The following RPS10 variants were observed in gnomAD, a reference collection of about 807,000 sequenced individuals.
RPS10 encodes ribosomal protein S10, also known as small ribosomal subunit protein eS10.
RPS10 carries 2 observed loss-of-function variants against 22.6 expected under a neutral mutation model. That is an observed-to-expected ratio of 0.09 (90% confidence interval 0.04 to 0.28). The LOEUF (loss-of-function observed/expected upper bound fraction) is 0.28. Among genes scored for constraint, RPS10 ranks in the 10% least tolerant of loss-of-function variants. RPS10 has a pLI of 1.00. For missense variants in RPS10, 137 were observed against 222.2 expected, an observed-to-expected ratio of 0.62 and a Z score of 2.44; for synonymous variants, 70 against 75.9, an observed-to-expected ratio of 0.92 and a Z score of 0.40.
In RPS10 at chr6:34,425,242, T is replaced by C. The variant is rs753881308; in HGVS notation, c.1-21A>G. On this transcript the variant is annotated intron_variant, in intron 1 of 5. Transcript: ENST00000648437. Reference sequence around the variant, plus strand: ...AACATCTGCAAGAAGGAGACGATTGTCAAGAGCACTTCTGAGTAACGAGGC... The same window carrying C: ...AACATCTGCAAGAAGGAGACGATTGCCAAGAGCACTTCTGAGTAACGAGGC... The C allele has an allele frequency of 3.1e-6, 5 of 1,593,872 alleles. No homozygotes were observed. The South Asian group carries it at 5.6e-5, about 18-fold the overall frequency.
In RPS10 at chr6:34,419,570, A is replaced by T. The variant is rs1285849107; in HGVS notation, c.401-1146T>A. Among the ~76,000 whole-genome samples, 3 of 110,430 alleles carry T rather than the reference A, an allele frequency of 2.7e-5. No individual in the cohort carries two copies. The East Asian group carries it at 7.9e-4, about 29-fold the overall frequency. The allele number at this position is 110,430 out of a possible 152,430, so 72.4% of individuals were successfully genotyped here. A position where few individuals can be genotyped will look rare whatever the true frequency, so the allele number is the denominator to read the frequency against. On this transcript the variant is annotated intron_variant, in intron 4 of 5. Transcript: ENST00000648437. ...ATATTTTTTAAACCGATTTATTTGTATTTATTTACTTATTTTTTTTTTTTG... is the reference window on the plus strand; with the variant it reads ...ATATTTTTTAAACCGATTTATTTGTTTTTATTTACTTATTTTTTTTTTTTG...
At chr6:34,419,697 G>A (rs1294646493) in intron 4 of RPS10, among the ~76,000 whole-genome samples, 2 of 151,734 alleles carry the variant, frequency 1.3e-5, no homozygotes, top group Non-Finnish European at 2.9e-5. Flanking sequence ...CCTGCCTCAT[G>A]CTCCGAGTAG....
chr6:34,419,212 G>A (rs944930628), intron 4 of RPS10, among the ~76,000 whole-genome samples: 11 of 151,988 alleles, frequency 7.2e-5, no homozygotes, highest in South Asian at 2.1e-4. Flanking sequence ...GTAGAGATGG[G>A]GTTTCTTCAT....
Position 34,421,777 on chromosome 6 carries a change from G to C in RPS10, c.353C>G (p.Thr118Arg). ...GLEGERPARL[T>R]RGEADRDTYR... ...GGTATCTCTGTCAGCTTCCCCTCTT[G>C]TGAGTCTCGCAGGTCGCTCACCCTC... Residue 118 changes from threonine (T) to arginine (R), a missense_variant, in exon 4 of 6, where the codon ACA becomes AGA. Physicochemically the swap from Thr to Arg is moderately conservative, Grantham distance 71. Coordinates refer to ENST00000648437, the MANE Select transcript of RPS10 (RefSeq NM_001014.5). The C allele has an allele frequency of 6.2e-7, 1 of 1,613,892 alleles. No homozygotes were observed. The highest frequency in any genetic ancestry group is 8.5e-7 in the Non-Finnish European group (1 of 1,179,870).
chr6:34,425,673 C>G (rs1765935368), intron 1 of RPS10: 1 of 199,434 alleles, frequency 5.0e-6, no homozygotes. Flanking sequence ...CCTTCGCACC[C>G]TCGTCTCCTA....
chr6:34,424,986 G>A (rs1765904760), intron 2 of RPS10, 86 bp downstream of exon 2: 2 of 1,609,680 alleles, frequency 1.2e-6, no homozygotes, highest in South Asian at 2.2e-5. Context: ...AACCTTAGGG[G>A]AAGATCCCTC....
At position 34,421,738 on chromosome 6, in the gene RPS10, G is replaced by A. The variant is rs765012296; in HGVS notation, c.392C>T (p.Ala131Val). The A allele has an allele frequency of 6.2e-7, 1 of 1,613,814 alleles. No homozygotes were observed. Among genetic ancestry groups the A allele is most frequent in the Non-Finnish European group, 8.5e-7 (1 of 1,179,860 alleles). ...GTGATGCATTTACTCACGTGGCACA[G>A]CACTCCGTCTGTAGGTATCTCTGTC... ...EADRDTYRRSAVPPGADKKAE... is the reference protein window; with the variant it reads ...EADRDTYRRSVVPPGADKKAE... Residue 131 changes from alanine (A) to valine (V), a missense_variant, in exon 4 of 6, where the codon GCT becomes GTT. Ala to Val is a moderately conservative substitution (Grantham distance 64). Coordinates refer to ENST00000648437, the MANE Select transcript of RPS10 (RefSeq NM_001014.5).
intron 4 of RPS10, among the ~76,000 whole-genome samples, chr6:34,419,268 C>T (rs1013316664): frequency 3.3e-5 from 5 of 151,912 alleles, no homozygotes; most frequent in Admixed American, 6.6e-5. Flanking sequence ...TCAAGTGATC[C>T]GCCCACCTCG....
Position 34,421,755 on chromosome 6 carries a change from ATC to A in RPS10, c.373_374del (p.Asp125TyrfsTer28), listed in dbSNP as rs1373580194. On this transcript the variant is annotated frameshift_variant, in exon 4 of 6. Transcript: ENST00000648437. LOFTEE classifies it high-confidence loss of function. ...GTGGCACAGCACTCCGTCTGTAGGT[ATC>A]TCTGTCAGCTTCCCCTCTTGTGAGT... is the stretch of plus-strand genomic sequence containing the variant. ...ARLTRGEADR[D>X]TYRRSAVPPG... 2 of 1,613,908 alleles carry A rather than the reference ATC, an allele frequency of 1.2e-6. No homozygotes were observed. The highest frequency in any genetic ancestry group is 8.5e-7 in the Non-Finnish European group (1 of 1,179,852).
chr6:34,417,676 T>C, intron 5 of RPS10, 129 bp from the exon 6 acceptor site: 1 of 845,840 alleles, frequency 1.2e-6, no homozygotes, highest in Non-Finnish European at 2.0e-6. Flanking sequence ...GAGAGCTGAG[T>C]ACAGGCTATA....
chr6:34,421,883 T>G lies in RPS10; in HGVS notation c.323-76A>C. ...CCCTTAAAGCCAAGAAAACTGGCATTGCTCTCCTGTTGTCACTCTCAGCAA... is the reference window on the plus strand; with the variant it reads ...CCCTTAAAGCCAAGAAAACTGGCATGGCTCTCCTGTTGTCACTCTCAGCAA... On this transcript the variant is annotated intron_variant, in intron 3 of 5. Transcript: ENST00000648437. 3 of 1,541,350 alleles carry G rather than the reference T, an allele frequency of 1.9e-6. No individual in the cohort carries two copies. The South Asian group carries it at 3.3e-5, about 17-fold the overall frequency.
At chr6:34,423,086 C>A (rs1233076107) in intron 3 of RPS10, among the ~76,000 whole-genome samples, 1 of 151,962 alleles carries the variant, frequency 6.6e-6, no homozygotes, top group East Asian at 1.9e-4. Context: ...CAAACAAACA[C>A]AATCAGTAAC....
At chr6:34,417,841 T>C in intron 5 of RPS10, 1 of 718,550 alleles carries the variant, frequency 1.4e-6, no homozygotes, top group South Asian at 1.5e-5. Context: ...GTTTCTACTG[T>C]ACATGCTTCC....
In RPS10 at chr6:34,424,851, G is replaced by GA; in HGVS notation, c.151-12dup. On this transcript the variant is annotated splice_polypyrimidine_tract_variant and intron_variant, in intron 2 of 5. Transcript: ENST00000648437. ...TCGGGACTTGAGAGACTGTAAGGCA[G>GA]AAAACTACTGTTAAGGCGTTAAGTA... 6.2e-7 allele frequency: 1 copy of GA among 1,613,770 alleles called. No homozygotes were observed. Among genetic ancestry groups the GA allele is most frequent in the Non-Finnish European group, 8.5e-7 (1 of 1,180,030 alleles).
intron 3 of RPS10, among the ~76,000 whole-genome samples, chr6:34,422,289 G>A (rs1765794325): frequency 1.3e-5 from 2 of 152,128 alleles, no homozygotes; most frequent in African/African-American, 4.8e-5. Flanking sequence ...TAGGCTGTGG[G>A]ATATATATTA....
intron 3 of RPS10, among the ~76,000 whole-genome samples, chr6:34,424,116 C>T (rs573405038): frequency 8.7e-6 from 1 of 114,580 alleles, no homozygotes; most frequent in South Asian, 2.9e-4. Context: ...GCACTCCAGG[C>T]TGGGCAACAG....
intron 4 of RPS10, among the ~76,000 whole-genome samples, chr6:34,418,978 G>A (rs115702524): frequency 0.013 from 1,945 of 151,920 alleles, 46 homozygotes; most frequent in African/African-American, 0.044. Context: ...GGGCTCAAGC[G>A]ATCCTCCCAC....
chr6:34,417,470 G>A lies in RPS10; in HGVS notation c.*36C>T. On this transcript the variant is annotated 3_prime_UTR_variant, in exon 6 of 6. Coordinates refer to ENST00000648437, the MANE Select transcript of RPS10 (RefSeq NM_001014.5). ...GACAAAAGATTAAGGTTTTTTGGCT[G>A]TAAGTTTATTCAATGCAAAAGAATC... 1.3e-6 allele frequency: 2 copies of A among 1,590,158 alleles called. No homozygotes were observed. Among genetic ancestry groups the A allele is most frequent in the Non-Finnish European group, 1.7e-6 (2 of 1,160,234 alleles).
chr6:34,422,184 A>G (rs1765791408), intron 3 of RPS10, among the ~76,000 whole-genome samples: 1 of 152,254 alleles, frequency 6.6e-6, no homozygotes, highest in African/African-American at 2.4e-5. Context: ...AAAAGGAAGC[A>G]TCCTAAGCTG....
Sources: allele counts gnomAD v4.1 joint callset (sites outside exome capture counted in the v4.1 genomes callset), GRCh38; gene constraint gnomAD v4.1.1; transcripts MANE v1.5; gene names NCBI Gene and HGNC (gene_info 2026-07-23, HGNC 2026-07-21).